The following NDRG2 variants were observed in gnomAD, a reference collection of about 807,000 sequenced individuals.
The protein encoded by NDRG2 is NDRG family member 2.
Under a neutral mutation model 58.2 loss-of-function variants are expected in NDRG2, and 34 were observed. The ratio of observed to expected loss-of-function variants is 0.58; its 90% confidence interval spans 0.44 to 0.78. The LOEUF is 0.78. Ranked by LOEUF, NDRG2 falls within the 30% of genes least tolerant of loss-of-function variation. NDRG2 has a pLI of 0.00. For missense variants in NDRG2, 434 were observed against 471.2 expected, an observed-to-expected ratio of 0.92 and a Z score of 0.73; for synonymous variants, 187 against 175.9, an observed-to-expected ratio of 1.06 and a Z score of -0.50.
chr14:21,033,701 TG>T, intron 1 of NDRG2: 1 of 775,726 alleles, frequency 1.3e-6, no homozygotes, highest in Non-Finnish European at 2.3e-6. Context: ...CCTGGTCTCT[TG>T]GGAGGGGACC....
chr14:21,057,534 G>T (rs1338448947), intron 1 of NDRG2, among the ~76,000 whole-genome samples: 1 of 150,482 alleles, frequency 6.6e-6, no homozygotes, highest in Non-Finnish European at 1.5e-5. Context: ...GAACTTGAGA[G>T]GTCCTGGTTA....
Position 21,017,041 on chromosome 14 carries a change from C to G in NDRG2, c.*555G>C, listed in dbSNP as rs1181340072. Reference sequence around the variant, plus strand: ...CACACTCGTTCACTGCCCGCCAACTCCCATTCCAACTTCCTTTTTACACTG... The same window carrying G: ...CACACTCGTTCACTGCCCGCCAACTGCCATTCCAACTTCCTTTTTACACTG... On this transcript the variant is annotated 3_prime_UTR_variant, in exon 16 of 16. Transcript: ENST00000556147. The G allele has an allele frequency of 2.9e-5, 13 of 454,744 alleles. No homozygotes were observed. Among genetic ancestry groups the G allele is most frequent in the Admixed American group, 2.1e-4 (9 of 42,510 alleles). 28.2% of individuals were successfully genotyped at this position (454,744 alleles called of 1,614,324 possible). A position where few individuals can be genotyped will look rare whatever the true frequency, so the allele number is the denominator to read the frequency against.
At chr14:21,059,782 C>A (rs920696891) in intron 1 of NDRG2, among the ~76,000 whole-genome samples, 6 of 152,204 alleles carry the variant, frequency 3.9e-5, no homozygotes, top group Non-Finnish European at 8.8e-5. Flanking sequence ...ACCTGGACCT[C>A]CCAAAGTGCT....
At position 21,070,457 on chromosome 14, in the gene NDRG2, GC is replaced by G; in HGVS notation, c.24+370del. 7.4e-7 allele frequency: 1 copy of G among 1,354,808 alleles called. No individual in the cohort carries two copies. 83.9% of individuals were successfully genotyped at this position (1,354,808 alleles called of 1,614,324 possible). ...TCGGCCTTCGCGCAGCCCGCTCCGGGCCCCCAAGTCCTCAGCCTGGTGCCTC... is the reference window on the plus strand; with the variant it reads ...TCGGCCTTCGCGCAGCCCGCTCCGGGCCCCAAGTCCTCAGCCTGGTGCCTC... On this transcript the variant is annotated intron_variant, in intron 1 of 14. Coordinates refer to the NDRG2 transcript ENST00000403829. The surrounding 1 kb of genome is among the most constrained non-coding windows in gnomAD (Gnocchi z 4.7).
chr14:21,020,762 C>T, intron 7 of NDRG2, 22 bp downstream of exon 7: 2 of 1,614,072 alleles, frequency 1.2e-6, no homozygotes, highest in Non-Finnish European at 8.5e-7. Context: ...CCTTTCCCTC[C>T]TCTGGGCTTT....
At chr14:21,053,850 T>G (rs1885569151) in intron 1 of NDRG2, among the ~76,000 whole-genome samples, 1 of 152,142 alleles carries the variant, frequency 6.6e-6, no homozygotes, top group South Asian at 2.1e-4. Flanking sequence ...AGAGCTAAGA[T>G]TCAATGAACT....
intron 1 of NDRG2, among the ~76,000 whole-genome samples, chr14:21,047,806 C>T (rs968611566): frequency 2.0e-5 from 3 of 152,092 alleles, no homozygotes; most frequent in African/African-American, 2.4e-5. Context: ...AGAAGGGAGA[C>T]TATCTGAGGT....
chr14:21,025,762 G>T, upstream of NDRG2: 14 of 263,104 alleles, frequency 5.3e-5, no homozygotes, highest in South Asian at 1.6e-4. The surrounding 1 kb of genome is among the most constrained non-coding windows in gnomAD (Gnocchi z 5.1). Flanking sequence ...TGGGGGCGGG[G>T]AATGCGGGGG....
At chr14:21,046,474 TCTGCACTCCAGCCTGGGCACCA>T (rs1283279546) in intron 1 of NDRG2, among the ~76,000 whole-genome samples, 1 of 33,954 alleles carries the variant, frequency 2.9e-5, no homozygotes, top group Non-Finnish European at 8.2e-5. Flanking sequence ...TGAGCCATGA[TCTGCACTCCAGCCTGGGCACCA>T]CTGCACTCCA....
At chr14:21,019,010 C>T (rs150774817) in intron 11 of NDRG2, 106 bp downstream of exon 11, 2 of 1,339,098 alleles carry the variant, frequency 1.5e-6, no homozygotes, top group African/African-American at 2.9e-5. Context: ...TGGGGTGGGA[C>T]ATGACAAGGA....
intron 6 of NDRG2, chr14:21,021,232 A>C (rs939886807): frequency 5.1e-6 from 2 of 389,926 alleles, no homozygotes; most frequent in Non-Finnish European, 1.0e-5. Flanking sequence ...AACTTAAAGC[A>C]AATGTGAAAA....
intron 1 of NDRG2, among the ~76,000 whole-genome samples, chr14:21,050,679 T>C (rs1241362819): frequency 6.6e-6 from 1 of 152,176 alleles, no homozygotes; most frequent in Admixed American, 6.5e-5. Context: ...TGCATATGAG[T>C]GTTTTATATG....
rs756568595 is a variant in NDRG2, at chr14:21,019,668, G to A, written c.687C>T (p.Asn229=). 1.9e-6 allele frequency: 3 copies of A among 1,613,346 alleles called. No homozygotes were observed. Among genetic ancestry groups the A allele is most frequent in the Non-Finnish European group, 2.5e-6 (3 of 1,179,332 alleles). The change falls in exon 10 of 16, where the codon AAC becomes AAT. Residue 229 remains asparagine, a synonymous_variant. Transcript: ENST00000556147. The part of the protein sequence containing the change: ...NIITHAPNLD[N]IELYWNSYNN... ...TGTAGCTGTTCCAGTACAATTCAATGTTATCCAGGTTGGGTGCATGTGTAA... is the reference window on the plus strand; with the variant it reads ...TGTAGCTGTTCCAGTACAATTCAATATTATCCAGGTTGGGTGCATGTGTAA...
chr14:21,033,937 G>A (rs868206519), intron 1 of NDRG2: 3 of 1,614,070 alleles, frequency 1.9e-6, no homozygotes, highest in Non-Finnish European at 2.5e-6. Flanking sequence ...GTGGGTGGCT[G>A]TTGGTGGCTC....
rs1283958783 is a variant in NDRG2, at chr14:21,018,477, T to A, written c.841A>T (p.Thr281Ser). The A allele has an allele frequency of 6.2e-7, 1 of 1,613,990 alleles. No homozygotes were observed. Among genetic ancestry groups the A allele is most frequent in the Non-Finnish European group, 8.5e-7 (1 of 1,179,962 alleles). ...VVECNSKLDP[T>S]QTSFLKMADS... Reference sequence around the variant, plus strand: ...CTGACCTTGAGGAACGAGGTCTGGGTGGGGTCCAGTTTTGAGTTACATTCC... The same window carrying A: ...CTGACCTTGAGGAACGAGGTCTGGGAGGGGTCCAGTTTTGAGTTACATTCC... The change falls in exon 13 of 16, where the codon ACC becomes TCC. Residue 281 changes from threonine (T) to serine (S), a missense_variant. By Grantham distance (58) the Thr-to-Ser change is moderately conservative (BLOSUM62 1). Transcript: ENST00000556147.
At chr14:21,056,738 A>C (rs1272654296) in intron 1 of NDRG2, among the ~76,000 whole-genome samples, 1 of 152,212 alleles carries the variant, frequency 6.6e-6, no homozygotes, top group Non-Finnish European at 1.5e-5. Flanking sequence ...GATGGGTTGA[A>C]CATCAGGAAG....
At chr14:21,035,809 A>G (rs1326108019) in intron 1 of NDRG2, 2 of 456,134 alleles carry the variant, frequency 4.4e-6, no homozygotes, top group South Asian at 3.1e-5. Flanking sequence ...CTGGTTACCT[A>G]TGCAAGAAAC....
In NDRG2 at chr14:21,024,815, G is replaced by A. The variant is rs764051258; in HGVS notation, c.-792C>T. The A allele has an allele frequency of 1.6e-5, 16 of 985,498 alleles. No homozygotes were observed. Among genetic ancestry groups the A allele is most frequent in the Non-Finnish European group, 1.8e-5 (15 of 830,094 alleles). 61.0% of individuals were successfully genotyped at this position (985,498 alleles called of 1,614,324 possible). A position where few individuals can be genotyped will look rare whatever the true frequency, so the allele number is the denominator to read the frequency against. On this transcript the variant is annotated 5_prime_UTR_variant, in exon 1 of 16. Transcript: ENST00000556147. ...GACACCCTTGCGTGGCCGGTGCCAA[G>A]CGCCCCGGACCTTGCACACAACCTC...
intron 1 of NDRG2, chr14:21,058,207 G>C (rs752115698): frequency 6.2e-7 from 1 of 1,614,144 alleles, no homozygotes; most frequent in Non-Finnish European, 8.5e-7. Context: ...CCATGTCCCT[G>C]ACCATGGGTG....
Sources: allele counts gnomAD v4.1 joint callset (sites outside exome capture counted in the v4.1 genomes callset), GRCh38; gene constraint gnomAD v4.1.1; non-coding constraint Gnocchi (gnomAD v3.1); transcripts MANE v1.5; gene names NCBI Gene and HGNC (gene_info 2026-07-23, HGNC 2026-07-21).